Variants in RECK observed in about 807,000 individuals in gnomAD.
The protein encoded by RECK is reversion inducing cysteine rich protein with kazal motifs, also known as reversion-inducing cysteine-rich protein with Kazal motifs.
In RECK, 69 loss-of-function variants were observed where a neutral mutation model predicts 115.1. The observed-to-expected ratio is 0.60, with a 90% CI of 0.49 to 0.73. RECK has a LOEUF of 0.73. Among genes scored for constraint, RECK ranks in the 30% least tolerant of loss-of-function variants. The pLI, the probability that RECK is intolerant of heterozygous loss-of-function variation, is 0.00. For missense variants in RECK, 1,047 were observed against 1,203.7 expected (o/e 0.87, Z 1.93); for synonymous variants, 414 against 419.7 (o/e 0.99, Z 0.17).
At chr9:36,043,096 C>G (rs898874286) in intron 1 of RECK, among the ~76,000 whole-genome samples, 8 of 134,738 alleles carry the variant, frequency 5.9e-5, no homozygotes, top group Non-Finnish European at 9.2e-5. Flanking sequence ...GTGATCTCGG[C>G]TCACTGCAAG....
intron 17 of RECK, 28 bp downstream of exon 17, chr9:36,117,205 G>A (rs1478071199): frequency 1.9e-6 from 3 of 1,540,870 alleles, no homozygotes; most frequent in Non-Finnish European, 2.6e-6. Context: ...ACAAAACAAA[G>A]TACACTACGG....
chr9:36,047,996 T>A (rs796152886), intron 1 of RECK, among the ~76,000 whole-genome samples: 8 of 151,730 alleles, frequency 5.3e-5, no homozygotes, highest in African/African-American at 1.9e-4. Flanking sequence ...ACTCATTCAT[T>A]TCTCCTCAAT....
chr9:36,105,283 G>C lies in RECK; in HGVS notation c.1576G>C (p.Gly526Arg), dbSNP rs562314790. ...CTGTCTTCCATACTTTTGTGTTCAA[G>C]GTAAGAGGTAGGTGGGTGTGAGAAG... ...DPCLPYFCVQGCKLGEASDFI... is the reference protein window; with the variant it reads ...DPCLPYFCVQRCKLGEASDFI... Residue 526 changes from glycine (G) to arginine (R), a missense_variant and splice_region_variant, in exon 13 of 21, where the codon GGT (glycine) becomes CGT (arginine). Gly to Arg is a moderately radical substitution (Grantham distance 125). Transcript: ENST00000377966. The C allele has an allele frequency of 1.2e-6, 2 of 1,613,926 alleles. No individual in the cohort carries two copies. Among genetic ancestry groups the C allele is most frequent in the South Asian group, 2.2e-5 (2 of 91,046 alleles).
intron 9 of RECK, 76 bp from the exon 10 acceptor site, chr9:36,091,088 G>A: frequency 7.3e-7 from 1 of 1,369,832 alleles, no homozygotes; most frequent in South Asian, 1.2e-5. Flanking sequence ...ATAGTTCATA[G>A]AGTTTTAGTT....
chr9:36,064,286 A>C (rs1015537490), intron 5 of RECK, among the ~76,000 whole-genome samples: 1 of 152,082 alleles, frequency 6.6e-6, no homozygotes, highest in Non-Finnish European at 1.5e-5. Flanking sequence ...CTTTACCCTG[A>C]GTGTGTTCTT....
intron 2 of RECK, among the ~76,000 whole-genome samples, chr9:36,056,093 A>G (rs147372764): frequency 3.3e-5 from 5 of 152,204 alleles, no homozygotes; most frequent in African/African-American, 1.2e-4. Context: ...TTCAGCTTCA[A>G]TATTATTAAG....
chr9:36,056,244 A>T (rs1821520615), intron 2 of RECK, among the ~76,000 whole-genome samples: 1 of 75,490 alleles, frequency 1.3e-5, no homozygotes, highest in East Asian at 3.5e-4. Flanking sequence ...ATGTCATTTA[A>T]AAAAAAAATA....
intron 1 of RECK, among the ~76,000 whole-genome samples, chr9:36,038,672 C>T (rs796868691): frequency 3.6e-4 from 55 of 152,146 alleles, no homozygotes; most frequent in African/African-American, 1.3e-3. Context: ...CAGCATTTAG[C>T]GTAGTAAGCA....
intron 10 of RECK, among the ~76,000 whole-genome samples, chr9:36,096,912 AGG>A (rs1823364742): frequency 9.6e-6 from 1 of 103,846 alleles, no homozygotes; most frequent in Admixed American, 1.1e-4. Context: ...TATCATGCAC[AGG>A]TGTGTGCATA....
At chr9:36,059,383 G>A (rs545901553) in intron 3 of RECK, among the ~76,000 whole-genome samples, 1 of 151,836 alleles carries the variant, frequency 6.6e-6, no homozygotes, top group South Asian at 2.1e-4. Flanking sequence ...TTGAACCCAG[G>A]AGGCGGAGGT....
intron 14 of RECK, 64 bp downstream of exon 14, chr9:36,108,228 A>G: frequency 1.6e-6 from 2 of 1,220,898 alleles, no homozygotes; most frequent in Non-Finnish European, 1.1e-6. Context: ...TGTAGGAAGA[A>G]TACTGGATAG....
At chr9:36,096,661 A>G (rs1051093208) in intron 10 of RECK, among the ~76,000 whole-genome samples, 1 of 151,924 alleles carries the variant, frequency 6.6e-6, no homozygotes, top group African/African-American at 2.4e-5. Context: ...TTCACACCCT[A>G]CACAAAAAAC....
chr9:36,100,913 AT>A (rs771509912), intron 11 of RECK, among the ~76,000 whole-genome samples: 35 of 151,942 alleles, frequency 2.3e-4, no homozygotes, highest in Non-Finnish European at 8.8e-5. Flanking sequence ...ATGTTAATTT[AT>A]GGACTTGTCT....
Position 36,121,537 on chromosome 9 carries a change from CAAAT to C in RECK, c.2547_2550del (p.Asn849LysfsTer4), listed in dbSNP as rs746164322. 1.2e-5 allele frequency: 19 copies of C among 1,612,454 alleles called. No individual in the cohort carries two copies. The South Asian group carries it at 1.8e-4, about 15-fold the overall frequency. On this transcript the variant is annotated frameshift_variant, in exon 20 of 21. Transcript: ENST00000377966. LOFTEE classifies it high-confidence loss of function. Reference sequence around the variant, plus strand: ...ATACATGTTTTCTCTTTCCAGGTAACAAATAAAAAGCCAATAACAGTTCTGGAAA... The same window carrying C: ...ATACATGTTTTCTCTTTCCAGGTAACAAAAAGCCAATAACAGTTCTGGAAA...
chr9:36,087,492 G>A (rs922265830), intron 8 of RECK, among the ~76,000 whole-genome samples: 1 of 152,132 alleles, frequency 6.6e-6, no homozygotes, highest in African/African-American at 2.4e-5. Flanking sequence ...GGCCTGTCAG[G>A]GAGTTGGGGG....
chr9:36,087,947 C>T lies in RECK; in HGVS notation c.891C>T (p.Asn297=), dbSNP rs1225818011. 7 of 1,611,860 alleles carry T rather than the reference C, an allele frequency of 4.3e-6. No homozygotes were observed. The highest frequency in any genetic ancestry group is 2.2e-5 in the East Asian group (1 of 44,850). The change falls in exon 9 of 21, where the codon AAC becomes AAT. Residue 297 remains asparagine (N), a synonymous_variant. Coordinates refer to ENST00000377966, the MANE Select transcript of RECK (RefSeq NM_021111.3). ...AATTGCATTGTTGTTCTAAAGCAAA[C>T]ACTTCAACATGTAGGTTAGTATTTC... ...GAKLHCCSKA[N]TSTCRELCTK... is the part of the protein sequence containing the mutation.
intron 6 of RECK, 125 bp downstream of exon 6, chr9:36,065,749 G>A: frequency 1.4e-6 from 1 of 722,646 alleles, no homozygotes. Flanking sequence ...AGAAAATTTT[G>A]CATTGACAAA....
chr9:36,093,940 C>G (rs1185670173), intron 10 of RECK, among the ~76,000 whole-genome samples: 2 of 151,968 alleles, frequency 1.3e-5, no homozygotes, highest in African/African-American at 4.8e-5. Flanking sequence ...GAACCAAAGA[C>G]CATCAAGTAG....
chr9:36,079,535 T>C (rs1822595658), intron 6 of RECK, among the ~76,000 whole-genome samples: 1 of 152,220 alleles, frequency 6.6e-6, no homozygotes, highest in Admixed American at 6.5e-5. Context: ...GAATATTATT[T>C]AGCAGAGAAA....
Sources: gnomAD v4.1 joint callset for allele counts (sites outside exome capture counted in the v4.1 genomes callset) on GRCh38, gnomAD v4.1.1 for gene constraint, MANE v1.5 for transcripts, NCBI Gene and HGNC (gene_info 2026-07-23, HGNC 2026-07-21) for gene names.